GOLGB1: variants seen among roughly 807,000 people sequenced by gnomAD.
The protein encoded by GOLGB1 is golgin B1, also known as golgin subfamily B member 1.
Under a neutral mutation model 336.9 loss-of-function variants are expected in GOLGB1, and 174 were observed. The observed-to-expected ratio is 0.52, with a 90% confidence interval of 0.46 to 0.59. The LOEUF (loss-of-function observed/expected upper bound fraction) is 0.59. GOLGB1 is among the 20% of genes least tolerant of loss of function. The pLI is 0.00. For synonymous variants in GOLGB1, 1,208 were observed against 1,289.2 expected (o/e 0.94, Z 1.35); for missense variants, 3,331 against 3,645.3 (o/e 0.91, Z 2.22).
intron 14 of GOLGB1, among the ~76,000 whole-genome samples, chr3:121,686,785 G>A (rs1324135040): frequency 2.0e-5 from 3 of 152,162 alleles, no homozygotes; most frequent in African/African-American, 7.2e-5. Flanking sequence ...CTGAGCTCTG[G>A]AATGACCTTT....
chr3:121,701,353 G>A (rs1373334848), intron 11 of GOLGB1, among the ~76,000 whole-genome samples: 1 of 152,128 alleles, frequency 6.6e-6, no homozygotes, highest in Non-Finnish European at 1.5e-5. Context: ...GTTAAATAAT[G>A]AGCTGAATTT....
chr3:121,678,904 C>A (rs993764831), intron 15 of GOLGB1, among the ~76,000 whole-genome samples: 8 of 152,032 alleles, frequency 5.3e-5, no homozygotes, highest in African/African-American at 1.9e-4. Context: ...ACAGTAACAA[C>A]CTCCCAAAAA....
intron 10 of GOLGB1, among the ~76,000 whole-genome samples, chr3:121,707,619 T>A (rs1282290694): frequency 1.4e-5 from 2 of 140,060 alleles, no homozygotes; most frequent in Non-Finnish European, 3.1e-5. Context: ...GGTGACAAAA[T>A]GAGAACCTGT....
rs745394295 is a variant in GOLGB1 at position 121,691,117 on chromosome 3, T to C, written c.8247A>G (p.Gln2749=). Residue 2749 remains glutamine, a synonymous_variant, in exon 14 of 22, where the codon CAA becomes CAG. Transcript: ENST00000614479. Reference sequence around the variant, plus strand: ...CCTCATTGGCATGATCTCTACTATTTTGCAAGGAACTCATAGACCTTCCAA... The same window carrying C: ...CCTCATTGGCATGATCTCTACTATTCTGCAAGGAACTCATAGACCTTCCAA... The part of the protein sequence containing the change: ...QSFGRSMSSL[Q]NSRDHANEEL... 68 of 1,613,974 alleles carry C rather than the reference T, an allele frequency of 4.2e-5. 1 individual carries two copies. In the Middle Eastern group the frequency reaches 4.9e-4, roughly 12 times the overall value.
rs182536562 is a variant in GOLGB1 at position 121,707,501 on chromosome 3, T to A, written c.1405-4906A>T. Among the ~76,000 whole-genome samples, 6 of 150,738 alleles carry A rather than the reference T, an allele frequency of 4.0e-5. No homozygotes were observed. The East Asian group carries it at 1.2e-3, about 29-fold the overall frequency. On this transcript the variant is annotated intron_variant, in intron 10 of 21. Transcript: ENST00000614479. ...AAAAAAAATTAGCTGGGTAGCATGG[T>A]GCATGCCTGTAGTCACAGCTACTCT...
At chr3:121,723,031 G>C (rs1189503509) in intron 5 of GOLGB1, among the ~76,000 whole-genome samples, 1 of 152,106 alleles carries the variant, frequency 6.6e-6, no homozygotes, top group Non-Finnish European at 1.5e-5. Flanking sequence ...AAACTGCGAG[G>C]AGTGAAATAA....
rs551241170 is a variant in GOLGB1 at position 121,714,823 on chromosome 3, A to C, written c.1404+38T>G. 35 of 1,226,310 alleles carry C rather than the reference A, an allele frequency of 2.9e-5. No homozygotes were observed. The South Asian group carries it at 4.2e-4, about 15-fold the overall frequency. The allele number at this position is 1,226,310 out of a possible 1,614,324, so 76.0% of individuals were successfully genotyped here. Reference sequence around the variant, plus strand: ...ACCGAAGTACAGATACAGCAAAGACAAACAGTTAATATTCATAAGAAGTTC... The same window carrying C: ...ACCGAAGTACAGATACAGCAAAGACCAACAGTTAATATTCATAAGAAGTTC... On this transcript the variant is annotated intron_variant, in intron 10 of 21. Coordinates refer to ENST00000614479, the MANE Select transcript of GOLGB1 (RefSeq NM_001366282.2).
intron 15 of GOLGB1, among the ~76,000 whole-genome samples, chr3:121,678,309 A>G (rs946144338): frequency 2.0e-5 from 3 of 152,214 alleles, no homozygotes; most frequent in African/African-American, 7.2e-5. Flanking sequence ...TGCTATATCA[A>G]TGTTGCTTAA....
chr3:121,683,652 G>T (rs1017952504), intron 14 of GOLGB1, among the ~76,000 whole-genome samples: 1 of 152,112 alleles, frequency 6.6e-6, no homozygotes, highest in Non-Finnish European at 1.5e-5. Flanking sequence ...AGGAAGGGAA[G>T]AAAACCAACT....
At chr3:121,736,757 A>G (rs967483658) in intron 1 of GOLGB1, among the ~76,000 whole-genome samples, 1 of 152,068 alleles carries the variant, frequency 6.6e-6, no homozygotes, top group African/African-American at 2.4e-5. Flanking sequence ...TACAAAAATT[A>G]GCCGGGTGTG....
intron 9 of GOLGB1, among the ~76,000 whole-genome samples, chr3:121,715,983 ACT>A (rs1944738369): frequency 1.6e-5 from 2 of 128,660 alleles, no homozygotes; most frequent in Admixed American, 1.5e-4. Flanking sequence ...CAAGAGTGAA[ACT>A]CTGTCACAAA....
chr3:121,729,983 T>C lies in GOLGB1; in HGVS notation c.131A>G (p.Asn44Ser), dbSNP rs780882584. ...LHQESDMEFN[N>S]TTQEDVQERL... ...CTCCTGAACATCTTCTTGTGTAGTATTATTAAATTCCATGTCAGATTCTTG... is the reference window on the plus strand; with the variant it reads ...CTCCTGAACATCTTCTTGTGTAGTACTATTAAATTCCATGTCAGATTCTTG... Residue 44 changes from asparagine to serine, a missense_variant, in exon 3 of 22, where the codon AAT becomes AGT. Coordinates refer to ENST00000614479, the MANE Select transcript of GOLGB1 (RefSeq NM_001366282.2). 2 of 1,612,236 alleles carry C rather than the reference T, an allele frequency of 1.2e-6. No homozygotes were observed. Among genetic ancestry groups the C allele is most frequent in the Admixed American group, 3.3e-5 (2 of 59,928 alleles).
chr3:121,731,824 T>A (rs530722943), intron 1 of GOLGB1, among the ~76,000 whole-genome samples: 1 of 151,274 alleles, frequency 6.6e-6, no homozygotes, highest in Non-Finnish European at 1.5e-5. Context: ...AAAATAAAAA[T>A]AAAAATCAGA....
At position 121,667,523 on chromosome 3, in the gene GOLGB1, T is replaced by C. The variant is rs1442707733; in HGVS notation, c.9507A>G (p.Arg3169=). The change falls in exon 20 of 22, where the codon AGA becomes AGG. Residue 3169 remains arginine (R), a synonymous_variant. Transcript: ENST00000614479. ...CAGAGAGAGCATTCTCAGCAGCCACTCTTTGGTCTCGTTCTTCTTCCAGCA... is the reference window on the plus strand; with the variant it reads ...CAGAGAGAGCATTCTCAGCAGCCACCCTTTGGTCTCGTTCTTCTTCCAGCA... ...RKLLEEERDQ[R]VAAENALSVA... is the part of the protein sequence containing the mutation. 6.2e-7 allele frequency: 1 copy of C among 1,614,056 alleles called. No homozygotes were observed. The highest frequency in any genetic ancestry group is 1.3e-5 in the African/African-American group (1 of 74,944).
intron 15 of GOLGB1, among the ~76,000 whole-genome samples, chr3:121,680,157 C>T (rs1373748754): frequency 6.6e-6 from 1 of 152,160 alleles, no homozygotes; most frequent in Non-Finnish European, 1.5e-5. Flanking sequence ...GGGGTATCAA[C>T]GAAAGTTGAA....
intron 1 of GOLGB1, among the ~76,000 whole-genome samples, chr3:121,731,579 T>G (rs1946122660): frequency 6.6e-6 from 1 of 152,154 alleles, no homozygotes; most frequent in Non-Finnish European, 1.5e-5. Context: ...CTTGTTCAAA[T>G]AAACTCCATG....
chr3:121,718,575 T>G, intron 7 of GOLGB1, 74 bp from the exon 8 acceptor site: 1 of 1,063,336 alleles, frequency 9.4e-7, no homozygotes, highest in Non-Finnish European at 1.4e-6. Flanking sequence ...CAAAATGTCA[T>G]GTAGATTTGT....
chr3:121,676,832 G>C, intron 17 of GOLGB1, 61 bp downstream of exon 17: 1 of 1,469,770 alleles, frequency 6.8e-7, no homozygotes, highest in Non-Finnish European at 9.5e-7. Context: ...GCTTCTACTT[G>C]CCTTCTTGTT....
chr3:121,739,917 G>A (rs988706229), intron 1 of GOLGB1, among the ~76,000 whole-genome samples: 1 of 152,096 alleles, frequency 6.6e-6, no homozygotes, highest in African/African-American at 2.4e-5. Context: ...CAACTTAGAT[G>A]GATCTCCAGA....
Sources: allele counts gnomAD v4.1 joint callset (sites outside exome capture counted in the v4.1 genomes callset), GRCh38; gene constraint gnomAD v4.1.1; transcripts MANE v1.5; gene names NCBI Gene and HGNC (gene_info 2026-07-23, HGNC 2026-07-21).